The following SF3B2 variants were observed in gnomAD, a reference collection of about 807,000 sequenced individuals.
SF3B2 encodes the protein SAP 145.
A neutral mutation model predicts 116.3 loss-of-function variants in SF3B2; 22 were observed. The observed-to-expected ratio is 0.19, with a 90% CI of 0.14 to 0.27. The LOEUF (loss-of-function observed/expected upper bound fraction) is 0.27. Ranked by LOEUF, SF3B2 falls within the 10% of genes least tolerant of loss-of-function variation. The pLI, the probability that SF3B2 is intolerant of heterozygous loss-of-function variation, is 1.00. For missense variants in SF3B2, 767 were observed against 1,151.4 expected, an observed-to-expected ratio of 0.67 and a Z score of 4.83; for synonymous variants, 406 against 421.6, an observed-to-expected ratio of 0.96 and a Z score of 0.45.
chr11:66,069,062 ATC>A lies in SF3B2; in HGVS notation c.*319_*320del. ...GTGGTGACGCCAACCCCAGGCTGAAATCTGTGTTTCACCACTGCCCTGCTTTG... is the reference window on the plus strand; with the variant it reads ...GTGGTGACGCCAACCCCAGGCTGAAATGTGTTTCACCACTGCCCTGCTTTG... On this transcript the variant is annotated 3_prime_UTR_variant, in exon 22 of 22. Coordinates refer to ENST00000322535, the MANE Select transcript of SF3B2 (RefSeq NM_006842.3). The A allele has an allele frequency of 2.5e-6, 1 of 393,064 alleles. No individual in the cohort carries two copies. The highest frequency in any genetic ancestry group is 4.9e-6 in the Non-Finnish European group (1 of 205,942). The allele number at this position is 393,064 out of a possible 1,614,324, so 24.3% of individuals were successfully genotyped here.
At position 66,059,914 on chromosome 11, in the gene SF3B2, C is replaced by A; in HGVS notation, c.1534C>A (p.Gln512Lys). 2 of 1,614,192 alleles carry A rather than the reference C, an allele frequency of 1.2e-6. No individual in the cohort carries two copies. The highest frequency in any genetic ancestry group is 1.7e-6 in the Non-Finnish European group (2 of 1,180,048). The change falls in exon 13 of 22, where the codon CAG becomes AAG. Residue 512 changes from glutamine to lysine, a missense_variant. Coordinates refer to ENST00000322535, the MANE Select transcript of SF3B2 (RefSeq NM_006842.3). The surrounding 1 kb of genome is among the most constrained non-coding windows in gnomAD (Gnocchi z 5.0). ...CTGGTGTTTTAAGCGCAAATACCTG[C>A]AGGGCAAACGGGGCATTGAGAAGCC... is the stretch of plus-strand genomic sequence containing the variant. ...RHWCFKRKYL[Q>K]GKRGIEKPPF...
Position 66,059,065 on chromosome 11 carries a change from G to A in SF3B2, c.1182+20G>A. Reference sequence around the variant, plus strand: ...TTTAAGGTACAAGGAGAGCACACTAGGAAGGGGCAGTGCCAAACAGGGAAG... The same window carrying A: ...TTTAAGGTACAAGGAGAGCACACTAAGAAGGGGCAGTGCCAAACAGGGAAG... On this transcript the variant is annotated intron_variant, in intron 10 of 21. Transcript: ENST00000322535. This position sits in a 1 kb window ranked among gnomAD's most constrained non-coding sequence, Gnocchi z 5.0. 1 of 1,611,982 alleles carries A rather than the reference G, an allele frequency of 6.2e-7. No individual in the cohort carries two copies. The highest frequency in any genetic ancestry group is 1.7e-4 in the Middle Eastern group (1 of 6,050).
At chr11:66,058,578 T>C (rs1451546471) in intron 9 of SF3B2, 173 bp downstream of exon 9, 1 of 633,522 alleles carries the variant, frequency 1.6e-6, no homozygotes, top group Non-Finnish European at 2.7e-6. Flanking sequence ...GTACTATACG[T>C]GCCTACATTT....
rs146416948 is a variant in SF3B2 at position 66,058,973 on chromosome 11, G to C, written c.1110G>C (p.Glu370Asp). 3.2e-4 allele frequency: 520 copies of C among 1,614,166 alleles called. 1 individual carries two copies. The highest frequency in any genetic ancestry group is 2.1e-3 in the South Asian group (195 of 91,086). The change falls in exon 10 of 22, where the codon GAG becomes GAC. Residue 370 changes from glutamate to aspartate, a missense_variant. By Grantham distance (45) the Glu-to-Asp change is conservative. Around this residue, in one of 4 missense-constraint regions of SF3B2, gnomAD observed 455 missense variants for 537.5 expected, o/e 0.85. Coordinates refer to ENST00000322535, the MANE Select transcript of SF3B2 (RefSeq NM_006842.3). ...CCCCAGCAGCTGATGTTGAGATTGAGTATGTGACTGAAGAACCTGAAATTT... is the reference window on the plus strand; with the variant it reads ...CCCCAGCAGCTGATGTTGAGATTGACTATGTGACTGAAGAACCTGAAATTT... ...SDSPAADVEI[E>D]YVTEEPEIYE...
Position 66,056,923 on chromosome 11 carries a change from A to C in SF3B2, c.635A>C (p.Gln212Pro). Residue 212 changes from glutamine (Q) to proline (P), a missense_variant, in exon 6 of 22, where the codon CAG becomes CCG. Gln to Pro is a moderately conservative substitution (Grantham distance 76). Coordinates refer to ENST00000322535, the MANE Select transcript of SF3B2 (RefSeq NM_006842.3). ...CCTCGGCCCCCACAAGACATGGGCC[A>C]GATTGGTGTGCGCACTCCTCTGGGT... The part of the protein sequence containing the change: ...PVPRPPQDMG[Q>P]IGVRTPLGPR... The C allele has an allele frequency of 6.2e-7, 1 of 1,614,112 alleles. No homozygotes were observed. Among genetic ancestry groups the C allele is most frequent in the Non-Finnish European group, 8.5e-7 (1 of 1,179,970 alleles).
intron 17 of SF3B2, 46 bp downstream of exon 17, chr11:66,063,162 AGGTTAGATTGTT>A: frequency 7.0e-7 from 1 of 1,422,930 alleles, no homozygotes; most frequent in Non-Finnish European, 9.9e-7. Context: ...AATGTCATGA[AGGTTAGATTGTT>A]GGTTTATAGC....
chr11:66,064,857 T>C (rs1160549507), intron 19 of SF3B2: 1 of 152,236 alleles, frequency 6.6e-6, no homozygotes, highest in Admixed American at 6.5e-5. Context: ...GTGGGTCTGC[T>C]GGTTTTGAAT....
intron 17 of SF3B2, 98 bp downstream of exon 17, chr11:66,063,214 A>AG: frequency 9.3e-7 from 1 of 1,074,920 alleles, no homozygotes; most frequent in Non-Finnish European, 1.4e-6. Flanking sequence ...GTGTTCTGAC[A>AG]CAGCAGAGCC....
intron 19 of SF3B2, among the ~76,000 whole-genome samples, chr11:66,064,392 T>C (rs1052981617): frequency 6.6e-6 from 1 of 152,224 alleles, no homozygotes; most frequent in African/African-American, 2.4e-5. Flanking sequence ...CTTCTCTTGA[T>C]GTTACACTGC....
intron 19 of SF3B2, 76 bp downstream of exon 19, chr11:66,063,805 C>A: frequency 1.7e-6 from 2 of 1,171,834 alleles, no homozygotes; most frequent in South Asian, 1.6e-5. Flanking sequence ...TTGTTCCTTT[C>A]TCCCTCATCC....
chr11:66,055,308 C>T lies in SF3B2; in HGVS notation c.491C>T (p.Ala164Val). 1 of 1,611,790 alleles carries T rather than the reference C, an allele frequency of 6.2e-7. No individual in the cohort carries two copies. The highest frequency in any genetic ancestry group is 8.5e-7 in the Non-Finnish European group (1 of 1,179,144). The change falls in exon 4 of 22, where the codon GCC (alanine) becomes GTC (valine). Residue 164 changes from alanine to valine, a missense_variant. Physicochemically the swap from Ala to Val is moderately conservative, Grantham distance 64. Coordinates refer to ENST00000322535, the MANE Select transcript of SF3B2 (RefSeq NM_006842.3). ...AALLMQQEER[A>V]KQQGDHSLKE... ...TTGCTGATGCAGCAGGAGGAGCGTG[C>T]CAAGCAGGTAGGGCAGGTGGCAGCC...
Position 66,052,636 on chromosome 11 carries a change from C to G in SF3B2, c.134-37C>G, listed in dbSNP as rs369964484. 18 of 1,594,206 alleles carry G rather than the reference C, an allele frequency of 1.1e-5. No homozygotes were observed. The African/African-American group carries it at 2.4e-4, about 22-fold the overall frequency. ...GCCGCTGGGGCCTGACCTGGCCGGGCTGGCCTGCCCCATTGATCGTGTACT... is the reference window on the plus strand; with the variant it reads ...GCCGCTGGGGCCTGACCTGGCCGGGGTGGCCTGCCCCATTGATCGTGTACT... On this transcript the variant is annotated intron_variant, in intron 1 of 21. Coordinates refer to ENST00000322535, the MANE Select transcript of SF3B2 (RefSeq NM_006842.3).
intron 21 of SF3B2, 127 bp downstream of exon 21, chr11:66,068,460 G>T (rs2270448): frequency 0.2 from 209,029 of 1,056,314 alleles, 21,673 homozygotes; most frequent in Middle Eastern, 0.27. Flanking sequence ...TGCTTCCTTA[G>T]ATTTGGAAGT....
In SF3B2 at chr11:66,059,269, A is replaced by G. The variant is rs764791492; in HGVS notation, c.1251A>G (p.Ala417=). 24 of 1,613,970 alleles carry G rather than the reference A, an allele frequency of 1.5e-5. No individual in the cohort carries two copies. The East Asian group carries it at 5.1e-4, about 34-fold the overall frequency. Residue 417 remains alanine (A), a synonymous_variant, in exon 11 of 22, where the codon GCA becomes GCG. Coordinates refer to ENST00000322535, the MANE Select transcript of SF3B2 (RefSeq NM_006842.3). The surrounding 1 kb of genome is among the most constrained non-coding windows in gnomAD (Gnocchi z 5.0). The part of the protein sequence containing the change: ...PEKLDKLENS[A]APKKKGFEEE... ...AACTTGACAAACTGGAGAACTCTGC[A>G]GCCCCCAAGAAGAAGGGATTTGAAG... is the stretch of plus-strand genomic sequence containing the variant.
rs543200112 is a variant in SF3B2, at chr11:66,060,548, C to T, written c.1630-34C>T. On this transcript the variant is annotated intron_variant, in intron 13 of 21. Coordinates refer to ENST00000322535, the MANE Select transcript of SF3B2 (RefSeq NM_006842.3). ...ATTCTCTACATGAATTTGGTGAGTA[C>T]TTGTTAAGGCTTGTTTGCTGCCATT... 1.9e-6 allele frequency: 3 copies of T among 1,612,590 alleles called. No individual in the cohort carries two copies. The East Asian group carries it at 6.7e-5, about 36-fold the overall frequency.
At chr11:66,057,001 C>T (rs547404) in intron 6 of SF3B2, 46 bp downstream of exon 6, 382,185 of 1,387,382 alleles carry the variant, frequency 0.28, 56,555 homozygotes, top group Admixed American at 0.45. Context: ...GTGATTTAGA[C>T]ATTTTTAAAA....
chr11:66,061,961 A>G lies in SF3B2; in HGVS notation c.1940A>G (p.Asn647Ser), dbSNP rs1857107081. Residue 647 changes from asparagine (N) to serine (S), a missense_variant, in exon 16 of 22, where the codon AAC becomes AGC. Around this residue, in one of 4 missense-constraint regions of SF3B2, gnomAD observed 282 missense variants for 568.0 expected, o/e 0.50. Transcript: ENST00000322535. ...QRYGPPPSYPNLKIPGLNSPI... is the reference protein window; with the variant it reads ...QRYGPPPSYPSLKIPGLNSPI... The stretch of plus-strand genomic sequence containing the variant: ...TATGGACCACCCCCATCGTATCCCA[A>G]CCTGAAAATCCCTGGGCTGAACTCG... 1.9e-6 allele frequency: 3 copies of G among 1,613,600 alleles called. No individual in the cohort carries two copies. The highest frequency in any genetic ancestry group is 1.1e-5 in the South Asian group (1 of 90,976).
intron 16 of SF3B2, among the ~76,000 whole-genome samples, chr11:66,062,432 T>C (rs896720033): frequency 6.6e-6 from 1 of 151,456 alleles, no homozygotes; most frequent in African/African-American, 2.4e-5. Context: ...GGGCCAGGGG[T>C]TTAAGACTAG....
At position 66,062,015 on chromosome 11, in the gene SF3B2, C is replaced by G. The variant is rs554513260; in HGVS notation, c.1977+17C>G. 1 of 1,583,578 alleles carries G rather than the reference C, an allele frequency of 6.3e-7. No individual in the cohort carries two copies. Among genetic ancestry groups the G allele is most frequent in the Non-Finnish European group, 8.6e-7 (1 of 1,159,506 alleles). ...ATCCCTGAGGTGAGCATTGTCCTTT[C>G]GTTCATTCTTGGCCATTTCTGCTTT... On this transcript the variant is annotated intron_variant, in intron 16 of 21. Coordinates refer to ENST00000322535, the MANE Select transcript of SF3B2 (RefSeq NM_006842.3).
Sources: allele counts gnomAD v4.1 joint callset (sites outside exome capture counted in the v4.1 genomes callset), GRCh38; gene constraint gnomAD v4.1.1; regional missense constraint gnomAD v4.1.1; non-coding constraint Gnocchi (gnomAD v3.1); transcripts MANE v1.5; gene names NCBI Gene and HGNC (gene_info 2026-07-23, HGNC 2026-07-21).